HSP90AA1: variants seen among roughly 807,000 people sequenced by gnomAD.
HSP90AA1 encodes the protein heat shock protein HSP 90-alpha.
Under a neutral mutation model 73.3 loss-of-function variants are expected in HSP90AA1, and 18 were observed. The ratio of observed to expected loss-of-function variants is 0.25; its 90% CI spans 0.17 to 0.36. HSP90AA1 has a LOEUF of 0.36. HSP90AA1 is among the 10% of genes least tolerant of loss of function. HSP90AA1 has a pLI of 1.00. For synonymous variants in HSP90AA1, 477 were observed against 296.9 expected (o/e 1.61, Z -6.24); for missense variants, 704 against 874.2 (o/e 0.81, Z 2.45).
intron 1 of HSP90AA1, among the ~76,000 whole-genome samples, chr14:102,111,188 A>T (rs2049637086): frequency 6.6e-6 from 1 of 152,236 alleles, no homozygotes; most frequent in Non-Finnish European, 1.5e-5. Context: ...AATGGGAAAA[A>T]TGTCTCCTGG....
At chr14:102,082,644 A>G (rs541452106) in intron 9 of HSP90AA1, 200 bp from the exon 10 acceptor site, 14 of 597,696 alleles carry the variant, frequency 2.3e-5, no homozygotes, top group East Asian at 1.8e-4. Context: ...TTTTTGAGAT[A>G]GAGTCTCGCT....
chr14:102,139,606 G>C, exon 1 of HSP90AA1: 1 of 666,918 alleles, frequency 1.5e-6, no homozygotes, highest in Non-Finnish European at 2.5e-6. Flanking sequence ...GGCCCTGGCG[G>C]CTGCGGAACG....
intron 1 of HSP90AA1, among the ~76,000 whole-genome samples, chr14:102,131,147 C>T (rs2049902891): frequency 6.6e-6 from 1 of 152,210 alleles, no homozygotes; most frequent in Admixed American, 6.5e-5. Context: ...ATATCTCATA[C>T]CCAACATGTG....
intron 1 of HSP90AA1, among the ~76,000 whole-genome samples, chr14:102,111,671 G>A (rs2049644616): frequency 6.6e-6 from 1 of 152,138 alleles, no homozygotes; most frequent in South Asian, 2.1e-4. Flanking sequence ...GTGATATATT[G>A]GTTTAGTTAT....
At chr14:102,137,277 T>C (rs1181470642) in intron 1 of HSP90AA1, among the ~76,000 whole-genome samples, 1 of 151,830 alleles carries the variant, frequency 6.6e-6, no homozygotes, top group African/African-American at 2.4e-5. Context: ...CGGTTTGAAA[T>C]TGAAAATCAG....
In HSP90AA1 at chr14:102,123,536, GT is replaced by G. The variant is rs1299252339; in HGVS notation, c.155+15713del. On this transcript the variant is annotated intron_variant, in intron 1 of 11. Coordinates refer to the HSP90AA1 transcript ENST00000334701. ...TTCAAGTAGTTTCTAAAACCTTGTGGTTTTTTTTTTCTTTTTTTTTTAAGAG... is the reference window on the plus strand; with the variant it reads ...TTCAAGTAGTTTCTAAAACCTTGTGGTTTTTTTTTCTTTTTTTTTTAAGAG... Among the ~76,000 whole-genome samples, 19 of 148,312 alleles carry G rather than the reference GT, an allele frequency of 1.3e-4. 1 individual carries two copies. The highest frequency in any genetic ancestry group is 2.0e-4 in the Admixed American group (3 of 14,792).
At chr14:102,082,786 A>C (rs1031843538) in intron 9 of HSP90AA1, 7 of 513,094 alleles carry the variant, frequency 1.4e-5, no homozygotes, top group Non-Finnish European at 2.4e-5. Flanking sequence ...CGCCTGGTTT[A>C]TTTTTTTCTA....
chr14:102,086,456 A>G (rs1284051982), intron 1 of HSP90AA1, 78 bp from the exon 2 acceptor site: 5 of 1,504,368 alleles, frequency 3.3e-6, no homozygotes, highest in African/African-American at 1.4e-5. Flanking sequence ...CGTTCTCCAA[A>G]TATTTTTAAA....
At chr14:102,123,093 C>G (rs2049799593) in intron 1 of HSP90AA1, among the ~76,000 whole-genome samples, 1 of 152,024 alleles carries the variant, frequency 6.6e-6, no homozygotes, top group Non-Finnish European at 1.5e-5. Context: ...ACACACTGAT[C>G]CAGACAGAAC....
chr14:102,124,680 AG>A (rs1436475598), intron 1 of HSP90AA1, among the ~76,000 whole-genome samples: 1 of 152,210 alleles, frequency 6.6e-6, no homozygotes, highest in Non-Finnish European at 1.5e-5. Flanking sequence ...CTGGAATTAC[AG>A]GTGTATACCA....
chr14:102,117,535 C>T (rs1358318005), intron 1 of HSP90AA1, among the ~76,000 whole-genome samples: 2 of 152,042 alleles, frequency 1.3e-5, no homozygotes, highest in Non-Finnish European at 2.9e-5. Context: ...CAGAGAGGAG[C>T]TACCCTCTTT....
intron 2 of HSP90AA1, among the ~76,000 whole-genome samples, chr14:102,095,726 C>T (rs1241378365): frequency 1.3e-5 from 2 of 152,164 alleles, no homozygotes; most frequent in African/African-American, 4.8e-5. Context: ...TGCCTTCAGC[C>T]CCCACATTCT....
intron 1 of HSP90AA1, among the ~76,000 whole-genome samples, chr14:102,138,003 C>T (rs991913594): frequency 2.0e-5 from 3 of 149,046 alleles, no homozygotes; most frequent in Non-Finnish European, 4.4e-5. Flanking sequence ...GACAGCGAGA[C>T]TCCATCTAAG....
rs982454298 is a variant in HSP90AA1 at position 102,081,553 on chromosome 14, G to A, written c.*159C>T. 1.6e-6 allele frequency: 1 copy of A among 643,158 alleles called. No homozygotes were observed. The highest frequency in any genetic ancestry group is 2.8e-6 in the Non-Finnish European group (1 of 358,394). The allele number at this position is 643,158 out of a possible 1,614,324, so 39.8% of individuals were successfully genotyped here. A position where few individuals can be genotyped will look rare whatever the true frequency, so the allele number is the denominator to read the frequency against. Reference sequence around the variant, plus strand: ...CTGCTTTAGTGCCTAAGGTATCACAGCATCACTTAGTAGACAGAAATCTTA... The same window carrying A: ...CTGCTTTAGTGCCTAAGGTATCACAACATCACTTAGTAGACAGAAATCTTA... On this transcript the variant is annotated 3_prime_UTR_variant, in exon 11 of 11. Coordinates refer to ENST00000216281, the MANE Select transcript of HSP90AA1 (RefSeq NM_005348.4).
intron 2 of HSP90AA1, among the ~76,000 whole-genome samples, chr14:102,092,047 G>A (rs2049365539): frequency 1.3e-5 from 2 of 151,466 alleles, no homozygotes; most frequent in African/African-American, 4.8e-5. Flanking sequence ...AATAGTTGGA[G>A]GTTTTTCAGA....
chr14:102,085,596 GC>G, intron 3 of HSP90AA1, 161 bp downstream of exon 3: 1 of 1,253,210 alleles, frequency 8.0e-7, no homozygotes, highest in Non-Finnish European at 1.1e-6. Context: ...CAAAAGAACC[GC>G]CCACCAAGTC....
At chr14:102,136,875 C>T (rs930255989) in intron 1 of HSP90AA1, among the ~76,000 whole-genome samples, 11 of 137,766 alleles carry the variant, frequency 8.0e-5, no homozygotes, top group African/African-American at 1.1e-4. Flanking sequence ...GGGACAAGAG[C>T]GAGACTTCTC....
At position 102,080,751 on chromosome 14, in the gene HSP90AA1, TTAAG is replaced by T. The variant is rs1459921956; in HGVS notation, c.*957_*960del. The T allele has an allele frequency of 4.8e-6, 1 of 210,046 alleles. No homozygotes were observed. Among genetic ancestry groups the T allele is most frequent in the African/African-American group, 2.3e-5 (1 of 44,060 alleles). The allele number at this position is 210,046 out of a possible 1,614,324, so 13.0% of individuals were successfully genotyped here. ...TTTGAGACACTGTAAGGCCAAGGAA[TTAAG>T]TGACTGTATTTAACACAGAAGGTAT... is the stretch of plus-strand genomic sequence containing the variant. On this transcript the variant is annotated 3_prime_UTR_variant, in exon 11 of 11. Coordinates refer to ENST00000216281, the MANE Select transcript of HSP90AA1 (RefSeq NM_005348.4).
chr14:102,084,600 AATGCATT>A, intron 5 of HSP90AA1, 36 bp from the exon 6 acceptor site: 1 of 1,614,186 alleles, frequency 6.2e-7, no homozygotes, highest in Non-Finnish European at 8.5e-7. Context: ...ACCAATGAAC[AATGCATT>A]ATAGAAGATA....
Sources: allele counts gnomAD v4.1 joint callset (sites outside exome capture counted in the v4.1 genomes callset), GRCh38; gene constraint gnomAD v4.1.1; transcripts MANE v1.5; gene names NCBI Gene and HGNC (gene_info 2026-07-23, HGNC 2026-07-21).